The following RAB11FIP5 variants were observed in gnomAD, a reference collection of about 807,000 sequenced individuals.
RAB11FIP5 encodes the protein RAB11 family interacting protein 5.
RAB11FIP5 carries 48 observed loss-of-function variants against 85.1 expected under a neutral mutation model. The observed-to-expected ratio is 0.56, with a 90% CI of 0.45 to 0.72. RAB11FIP5 has a LOEUF of 0.72. Ranked by LOEUF, RAB11FIP5 falls within the 30% of genes least tolerant of loss-of-function variation. The pLI is 0.00. For synonymous variants in RAB11FIP5, 729 were observed against 727.3 expected (o/e 1.00, Z -0.04); for missense variants, 1,491 against 1,687.0 (o/e 0.88, Z 2.04).
At position 73,085,468 on chromosome 2, in the gene RAB11FIP5, G is replaced by C. The variant is rs1437338497; in HGVS notation, c.1568+2582C>G. ...ACTTTGGCCCTGGCGGGTTTAAAATGCGTGGTCTTGCCTGTCCTCAAACAC... is the reference window on the plus strand; with the variant it reads ...ACTTTGGCCCTGGCGGGTTTAAAATCCGTGGTCTTGCCTGTCCTCAAACAC... On this transcript the variant is annotated intron_variant, in intron 3 of 5. Transcript: ENST00000486777. 4.6e-5 allele frequency among the ~76,000 whole-genome samples: 7 copies of C among 152,350 alleles called. No homozygotes were observed. In the South Asian group the frequency reaches 1.5e-3, roughly 32 times the overall value.
chr2:73,075,707 G>T lies in RAB11FIP5; in HGVS notation c.3789C>A (p.Asp1263Glu), dbSNP rs751917112. 6.2e-7 allele frequency: 1 copy of T among 1,608,330 alleles called. No individual in the cohort carries two copies. Among genetic ancestry groups the T allele is most frequent in the South Asian group, 1.1e-5 (1 of 90,262 alleles). Residue 1263 changes from aspartate to glutamate, a missense_variant, in exon 6 of 6, where the codon GAC (aspartate) becomes GAA (glutamate). Coordinates refer to ENST00000486777, the MANE Select transcript of RAB11FIP5 (RefSeq NM_001371272.1). This position sits in a 1 kb window ranked among gnomAD's most constrained non-coding sequence, Gnocchi z 4.6. ...TKRLKDSAVL[D>E]QSAKYYHLTH... ...TCAGGTGGTAGTACTTGGCCGACTG[G>T]TCCAGCACAGCTGAGTCCTGAGGCC...
chr2:73,088,264 C>T lies in RAB11FIP5; in HGVS notation c.1354G>A (p.Gly452Arg). The T allele has an allele frequency of 1.9e-6, 3 of 1,613,946 alleles. No homozygotes were observed. Among genetic ancestry groups the T allele is most frequent in the Middle Eastern group, 1.6e-4 (1 of 6,062 alleles). Residue 452 changes from glycine to arginine, a missense_variant, in exon 3 of 6, where the codon GGA becomes AGA. Around this residue, in one of 3 missense-constraint regions of RAB11FIP5, gnomAD observed 1,211 missense variants for 1,338.0 expected, o/e 0.91. Transcript: ENST00000486777. ...GGCTTGCGTTCCTCCTTCCGGGCTC[C>T]CTCCTTCTCTGCCACAGCCTCAGAG... ...ASSEAVAEKEGARKEERKPRM... is the reference protein window; with the variant it reads ...ASSEAVAEKERARKEERKPRM...
chr2:73,084,143 C>G (rs1433686144), intron 3 of RAB11FIP5: 1 of 152,198 alleles, frequency 6.6e-6, no homozygotes, highest in East Asian at 1.9e-4. Context: ...CAGCAAAGGG[C>G]TCTCCCTGGA....
chr2:73,081,009 C>T lies in RAB11FIP5; in HGVS notation c.2223G>A (p.Gly741=), dbSNP rs1683965922. ...NHQSASAADP[G]LLGSVGAGLP... ...GGCCAGCCCCTACCGACCCGAGGAGCCCTGGGTCAGCCGCGCTCGCGCTCT... is the reference window on the plus strand; with the variant it reads ...GGCCAGCCCCTACCGACCCGAGGAGTCCTGGGTCAGCCGCGCTCGCGCTCT... The change falls in exon 4 of 6, where the codon GGG becomes GGA. Residue 741 remains glycine, a synonymous_variant. Coordinates refer to ENST00000486777, the MANE Select transcript of RAB11FIP5 (RefSeq NM_001371272.1). The surrounding 1 kb of genome is among the most constrained non-coding windows in gnomAD (Gnocchi z 4.2). 8.1e-7 allele frequency: 1 copy of T among 1,232,442 alleles called. No individual in the cohort carries two copies. Among genetic ancestry groups the T allele is most frequent in the Non-Finnish European group, 1.0e-6 (1 of 988,178 alleles). The allele number at this position is 1,232,442 out of a possible 1,614,324, so 76.3% of individuals were successfully genotyped here.
rs773150895 is a variant in RAB11FIP5, at chr2:73,088,244, G to T, written c.1374C>A (p.Arg458=). 2.6e-5 allele frequency: 42 copies of T among 1,613,844 alleles called. No individual in the cohort carries two copies. Among genetic ancestry groups the T allele is most frequent in the Non-Finnish European group, 3.6e-5 (42 of 1,180,038 alleles). The change falls in exon 3 of 6, where the codon CGC becomes CGA. Residue 458 remains arginine, a synonymous_variant. Transcript: ENST00000486777. Reference sequence around the variant, plus strand: ...GGTGGAAGAGACCCATCCGGGGCTTGCGTTCCTCCTTCCGGGCTCCCTCCT... The same window carrying T: ...GGTGGAAGAGACCCATCCGGGGCTTTCGTTCCTCCTTCCGGGCTCCCTCCT... The part of the protein sequence containing the change: ...AEKEGARKEE[R]KPRMGLFHHH...
rs1191611335 is a variant in RAB11FIP5 at position 73,112,329 on chromosome 2, C to A, written c.431+18G>T. On this transcript the variant is annotated intron_variant, in intron 1 of 5. Coordinates refer to ENST00000486777, the MANE Select transcript of RAB11FIP5 (RefSeq NM_001371272.1). ...TTAGGCCTTTAGCCGTTTCTGTGCC[C>A]CCGCGCCCCCTACTCACTGCGTGTG... 9 of 1,558,110 alleles carry A rather than the reference C, an allele frequency of 5.8e-6. No individual in the cohort carries two copies. The highest frequency in any genetic ancestry group is 7.7e-6 in the Non-Finnish European group (9 of 1,161,458).
intron 1 of RAB11FIP5, among the ~76,000 whole-genome samples, chr2:73,108,817 G>A (rs907801968): frequency 1.3e-5 from 2 of 152,224 alleles, no homozygotes; most frequent in East Asian, 1.9e-4. Context: ...GCCAAGACAG[G>A]TGGATCACCT....
rs564863158 is a variant in RAB11FIP5 at position 73,081,302 on chromosome 2, C to T, written c.1930G>A (p.Ala644Thr). 8.1e-6 allele frequency: 10 copies of T among 1,232,856 alleles called. No individual in the cohort carries two copies. In the African/African-American group the frequency reaches 1.2e-4, roughly 15 times the overall value. 76.4% of individuals were successfully genotyped at this position (1,232,856 alleles called of 1,614,324 possible). A position where few individuals can be genotyped will look rare whatever the true frequency, so the allele number is the denominator to read the frequency against. Reference sequence around the variant, plus strand: ...AAGGTGTTGTCCCACTCAGGCAGGGCTTTCCCAGGGGAGGCCAGGGGGGTG... The same window carrying T: ...AAGGTGTTGTCCCACTCAGGCAGGGTTTTCCCAGGGGAGGCCAGGGGGGTG... ...SPTPLASPGK[A>T]LPEWDNTFNV... The change falls in exon 4 of 6, where the codon GCC (alanine) becomes ACC (threonine). Residue 644 changes from alanine (A) to threonine (T), a missense_variant. Around this residue, in one of 3 missense-constraint regions of RAB11FIP5, gnomAD observed 1,211 missense variants for 1,338.0 expected, o/e 0.91. Transcript: ENST00000486777. The surrounding 1 kb of genome is among the most constrained non-coding windows in gnomAD (Gnocchi z 4.2).
chr2:73,074,942 C>G lies in RAB11FIP5; in HGVS notation c.*579G>C. On this transcript the variant is annotated 3_prime_UTR_variant, in exon 6 of 6. Transcript: ENST00000486777. ...AAACAGCTCCAGACTGAAGCAGACT[C>G]AGGACATGGCAGAGACTGGCCCAGA... 1 of 340,242 alleles carries G rather than the reference C, an allele frequency of 2.9e-6. No homozygotes were observed. The highest frequency in any genetic ancestry group is 2.4e-5 in the South Asian group (1 of 41,844). The allele number at this position is 340,242 out of a possible 1,614,324, so 21.1% of individuals were successfully genotyped here.
In RAB11FIP5 at chr2:73,111,093, G is replaced by A. The variant is rs1684647430; in HGVS notation, c.431+1254C>T. Among the ~76,000 whole-genome samples, 7 of 152,194 alleles carry A rather than the reference G, an allele frequency of 4.6e-5. No individual in the cohort carries two copies. The South Asian group carries it at 1.5e-3, about 32-fold the overall frequency. ...AACAGCAAGTCATGAAGGAAGGCGG[G>A]GAGCAGGCCAGGGGATGGGGAAATG... On this transcript the variant is annotated intron_variant, in intron 1 of 5. Coordinates refer to ENST00000486777, the MANE Select transcript of RAB11FIP5 (RefSeq NM_001371272.1).
intron 1 of RAB11FIP5, among the ~76,000 whole-genome samples, chr2:73,110,003 G>A (rs1684608012): frequency 1.3e-5 from 2 of 152,250 alleles, no homozygotes; most frequent in African/African-American, 2.4e-5. Flanking sequence ...CGTGAAAACT[G>A]AGGCACCAAG....
chr2:73,097,289 G>A lies in RAB11FIP5; in HGVS notation c.432-7974C>T, dbSNP rs371840315. Among the ~76,000 whole-genome samples the A allele has an allele frequency of 5.3e-5, 8 of 152,090 alleles. No individual in the cohort carries two copies. The South Asian group carries it at 6.2e-4, about 12-fold the overall frequency. On this transcript the variant is annotated intron_variant, in intron 1 of 5. Coordinates refer to ENST00000486777, the MANE Select transcript of RAB11FIP5 (RefSeq NM_001371272.1). ...CGACCTCAGGTGATCCACCCGCCTC[G>A]GCCTCCCAAAGTGCTGAGATTACAG... is the stretch of plus-strand genomic sequence containing the variant.
rs759858224 is a variant in RAB11FIP5 at position 73,076,173 on chromosome 2, G to A, written c.3591C>T (p.Pro1197=). 7.5e-6 allele frequency: 12 copies of A among 1,608,308 alleles called. No homozygotes were observed. The highest frequency in any genetic ancestry group is 5.0e-5 in the Admixed American group (3 of 59,968). The change falls in exon 5 of 6, where the codon CCC becomes CCT. Residue 1197 remains proline, a synonymous_variant. Transcript: ENST00000486777. ...CAGGGGCGGCACTGAGGGGCTTCAC[G>A]GGGTGGGGACTGCAAAGACATACAA... The part of the protein sequence containing the change: ...EEPQPSASPH[P]VKPLSAAPVE...
chr2:73,080,731 G>C lies in RAB11FIP5; in HGVS notation c.2501C>G (p.Pro834Arg), dbSNP rs897902689. The change falls in exon 4 of 6, where the codon CCT (proline) becomes CGT (arginine). Residue 834 changes from proline to arginine, a missense_variant. Transcript: ENST00000486777. ...AGGAGAAATGGTGACCACATCCCAA[G>C]GCCAGGCATCATCAGCTGTCTCGAC... is the stretch of plus-strand genomic sequence containing the variant. ...PDVETADDAW[P>R]WDVVTISPAA... 14 of 1,232,496 alleles carry C rather than the reference G, an allele frequency of 1.1e-5. No homozygotes were observed. Among genetic ancestry groups the C allele is most frequent in the Non-Finnish European group, 1.3e-5 (13 of 988,104 alleles). 76.3% of individuals were successfully genotyped at this position (1,232,496 alleles called of 1,614,324 possible).
rs1284226929 is a variant in RAB11FIP5, at chr2:73,088,906, G to A, written c.841C>T (p.Arg281Cys). 1.6e-5 allele frequency: 25 copies of A among 1,587,798 alleles called. No homozygotes were observed. The highest frequency in any genetic ancestry group is 6.9e-5 in the Admixed American group (4 of 57,636). The change falls in exon 2 of 6, where the codon CGT becomes TGT. Residue 281 changes from arginine to cysteine, a missense_variant. Arg to Cys is a radical substitution (Grantham distance 180, BLOSUM62 -3). Transcript: ENST00000486777. ...CCTTCAGTGGACAGCCAGCTGCTAC[G>A]GCTTGGTGAGCGGGTGAGGAGTTCG... is the stretch of plus-strand genomic sequence containing the variant. Reference protein sequence around the residue: ...GAELLTRSPSRSSWLSTEGGR... With the variant: ...GAELLTRSPSCSSWLSTEGGR...
Position 73,078,387 on chromosome 2 carries a change from A to C in RAB11FIP5, c.3581+1264T>G, listed in dbSNP as rs1683901802. Among the ~76,000 whole-genome samples, 1 of 152,208 alleles carries C rather than the reference A, an allele frequency of 6.6e-6. No individual in the cohort carries two copies. Among genetic ancestry groups the C allele is most frequent in the Admixed American group, 6.5e-5 (1 of 15,286 alleles). On this transcript the variant is annotated intron_variant, in intron 4 of 5. Transcript: ENST00000486777. This position sits in a 1 kb window ranked among gnomAD's most constrained non-coding sequence, Gnocchi z 4.4. ...CGAATAAAACTTATAAAAAGTGGCAAGTATTATTAGAGGTCATGCTGGCAG... is the reference window on the plus strand; with the variant it reads ...CGAATAAAACTTATAAAAAGTGGCACGTATTATTAGAGGTCATGCTGGCAG...
At chr2:73,100,377 T>C (rs1479537786) in intron 1 of RAB11FIP5, among the ~76,000 whole-genome samples, 2 of 151,814 alleles carry the variant, frequency 1.3e-5, no homozygotes, top group Non-Finnish European at 2.9e-5. Flanking sequence ...ATATATTTAA[T>C]GTGAAAGTCA....
chr2:73,078,715 G>A lies in RAB11FIP5; in HGVS notation c.3581+936C>T, dbSNP rs1260540214. ...TGTGGATGACCAAACATGAATGCCT[G>A]GTCGGGAGGCCAGTGCTGGAGCCTG... is the stretch of plus-strand genomic sequence containing the variant. On this transcript the variant is annotated intron_variant, in intron 4 of 5. Coordinates refer to ENST00000486777, the MANE Select transcript of RAB11FIP5 (RefSeq NM_001371272.1). This position sits in a 1 kb window ranked among gnomAD's most constrained non-coding sequence, Gnocchi z 4.4. Among the ~76,000 whole-genome samples, 1 of 152,212 alleles carries A rather than the reference G, an allele frequency of 6.6e-6. No homozygotes were observed. Among genetic ancestry groups the A allele is most frequent in the African/African-American group, 2.4e-5 (1 of 41,448 alleles).
intron 1 of RAB11FIP5, among the ~76,000 whole-genome samples, chr2:73,108,907 G>A (rs1349312992): frequency 2.0e-5 from 3 of 152,212 alleles, no homozygotes; most frequent in African/African-American, 7.2e-5. Context: ...AGCTGGGTGT[G>A]GTGGCACATG....
Sources: gnomAD v4.1 joint callset for allele counts (sites outside exome capture counted in the v4.1 genomes callset) on GRCh38, gnomAD v4.1.1 for gene constraint, gnomAD v4.1.1 regional missense constraint, Gnocchi (gnomAD v3.1) non-coding constraint, MANE v1.5 for transcripts, NCBI Gene and HGNC (gene_info 2026-07-23, HGNC 2026-07-21) for gene names.